Variants in PGCKA1 observed in about 807,000 individuals in gnomAD.
The protein encoded by PGCKA1 is PDCD10 and GCKIII kinases associated 1, also known as PDCD10 and GCKIII kinases-associated protein 1.
At chr4:37,512,543 G>A in the PGCKA1 span, among the ~76,000 whole-genome samples, 2 of 146,180 alleles carry the variant, frequency 1.4e-5, no homozygotes, top group African/African-American at 2.6e-5. Flanking sequence ...TGCAACCTCC[G>A]CCTCCTGGGT....
the PGCKA1 span, among the ~76,000 whole-genome samples, chr4:37,535,932 CTTCCTCCTCTGTTAGAT>C: frequency 6.6e-6 from 1 of 152,348 alleles, no homozygotes; most frequent in East Asian, 1.9e-4. Context: ...TTTAACCTTG[CTTCCTCCTCTGTTAGAT>C]GAGCTTCAAA....
chr4:37,488,218 C>T, the PGCKA1 span, among the ~76,000 whole-genome samples: 1 of 152,068 alleles, frequency 6.6e-6, no homozygotes, highest in African/African-American at 2.4e-5. Flanking sequence ...TTTTTAGGTC[C>T]AAAATGTATT....
chr4:37,544,642 C>T, the PGCKA1 span, among the ~76,000 whole-genome samples: 69 of 150,658 alleles, frequency 4.6e-4, no homozygotes, highest in Admixed American at 7.9e-4. Flanking sequence ...TTTCAAGGAG[C>T]TGTTTTTTTT....
the PGCKA1 span, among the ~76,000 whole-genome samples, chr4:37,453,681 G>A: frequency 1.4e-5 from 2 of 144,550 alleles, no homozygotes; most frequent in Non-Finnish European, 3.0e-5. Context: ...GATGGCAGGC[G>A]GTTGGCGCGG....
chr4:37,578,914 G>C, the PGCKA1 span, among the ~76,000 whole-genome samples: 22,545 of 151,878 alleles, frequency 0.15, 4,582 homozygotes, highest in African/African-American at 0.46. Flanking sequence ...AAAAATTAGC[G>C]AGGCATGGTG....
the PGCKA1 span, among the ~76,000 whole-genome samples, chr4:37,554,037 C>T: frequency 6.6e-6 from 1 of 152,158 alleles, no homozygotes; most frequent in Non-Finnish European, 1.5e-5. Flanking sequence ...ATAATCCCCA[C>T]GTGTTGTGGG....
the PGCKA1 span, among the ~76,000 whole-genome samples, chr4:37,526,606 T>A: frequency 6.6e-6 from 1 of 152,216 alleles, no homozygotes; most frequent in Non-Finnish European, 1.5e-5. Flanking sequence ...ACTGTATATG[T>A]GACAGGGATC....
chr4:37,591,707 A>G, the PGCKA1 span: 1 of 152,230 alleles, frequency 6.6e-6, no homozygotes, highest in Non-Finnish European at 1.5e-5. Context: ...GGCCAAAATA[A>G]GTCTTAAAAC....
chr4:37,522,820 T>A, the PGCKA1 span, among the ~76,000 whole-genome samples: 1 of 151,966 alleles, frequency 6.6e-6, no homozygotes, highest in Non-Finnish European at 1.5e-5. Context: ...CTCTGACAGC[T>A]GCCCTATCAT....
the PGCKA1 span, chr4:37,588,831 C>T: frequency 6.3e-5 from 101 of 1,593,172 alleles, no homozygotes; most frequent in Admixed American, 6.5e-4. Context: ...CTACCTTTTA[C>T]GCTTTCTTTT....
chr4:37,554,601 G>A, the PGCKA1 span, among the ~76,000 whole-genome samples: 1 of 152,198 alleles, frequency 6.6e-6, no homozygotes, highest in Non-Finnish European at 1.5e-5. Context: ...ACCTGCCTCA[G>A]CCTCCCAAAG....
At chr4:37,568,309 T>G in the PGCKA1 span, among the ~76,000 whole-genome samples, 1 of 152,202 alleles carries the variant, frequency 6.6e-6, no homozygotes, top group African/African-American at 2.4e-5. Flanking sequence ...TTTACATAGT[T>G]TTCTTTAAAA....
At chr4:37,581,654 C>T in the PGCKA1 span, among the ~76,000 whole-genome samples, 17,580 of 152,116 alleles carry the variant, frequency 0.12, 2,750 homozygotes, top group African/African-American at 0.35. This position sits in a 1 kb window ranked among gnomAD's most constrained non-coding sequence, Gnocchi z 4.4. Flanking sequence ...CCTGTCTTTT[C>T]CTCAAGCACA....
the PGCKA1 span, among the ~76,000 whole-genome samples, chr4:37,476,019 ATTAT>A: frequency 6.6e-6 from 1 of 150,692 alleles, no homozygotes; most frequent in Non-Finnish European, 1.5e-5. Context: ...TAAAATAATT[ATTAT>A]TTTATTTTAA....
the PGCKA1 span, among the ~76,000 whole-genome samples, chr4:37,562,946 G>A: frequency 4.1e-3 from 621 of 152,312 alleles, 4 homozygotes; most frequent in African/African-American, 0.014. Flanking sequence ...CCCCTAGTAG[G>A]GGGGTGTTTA....
chr4:37,554,182 C>A, the PGCKA1 span, among the ~76,000 whole-genome samples: 1 of 152,128 alleles, frequency 6.6e-6, no homozygotes, highest in Non-Finnish European at 1.5e-5. Context: ...GTAAGATGTG[C>A]CTTTGCATCT....
the PGCKA1 span, among the ~76,000 whole-genome samples, chr4:37,562,324 A>G: frequency 6.6e-6 from 1 of 152,228 alleles, no homozygotes; most frequent in Non-Finnish European, 1.5e-5. Context: ...CATAAGAAGG[A>G]ATATGTACAT....
At chr4:37,552,396 C>T in the PGCKA1 span, among the ~76,000 whole-genome samples, 1 of 152,162 alleles carries the variant, frequency 6.6e-6, no homozygotes, top group East Asian at 1.9e-4. Context: ...GCCGATGCTC[C>T]CAGCTGAATA....
chr4:37,510,343 C>A, the PGCKA1 span, among the ~76,000 whole-genome samples: 1 of 151,906 alleles, frequency 6.6e-6, no homozygotes, highest in South Asian at 2.1e-4. Context: ...TTTTTTGTAC[C>A]CATCCTCCTT....
Sources: allele counts gnomAD v4.1 joint callset (sites outside exome capture counted in the v4.1 genomes callset), GRCh38; gene constraint gnomAD v4.1.1; non-coding constraint Gnocchi (gnomAD v3.1); transcripts MANE v1.5; gene names NCBI Gene and HGNC (gene_info 2026-07-23, HGNC 2026-07-21).